KCTD16: variants seen among roughly 807,000 people sequenced by gnomAD.
KCTD16 encodes the protein BTB/POZ domain-containing protein KCTD16.
KCTD16 carries 13 observed loss-of-function variants against 33.2 expected under a neutral mutation model. The ratio of observed to expected loss-of-function variants is 0.39; its 90% CI spans 0.25 to 0.62. KCTD16 has a LOEUF of 0.62. KCTD16 is among the 20% of genes least tolerant of loss of function. KCTD16 has a pLI of 0.50. For synonymous variants in KCTD16, 197 were observed against 195.3 expected, an observed-to-expected ratio of 1.01 and a Z score of -0.07; for missense variants, 441 against 525.1, an observed-to-expected ratio of 0.84 and a Z score of 1.57.
intron 3 of KCTD16, among the ~76,000 whole-genome samples, chr5:144,251,901 T>A (rs1033262528): frequency 3.3e-5 from 5 of 152,202 alleles, no homozygotes; most frequent in African/African-American, 9.6e-5. Context: ...TAATTAATGT[T>A]TAAAATGTAA....
At chr5:144,242,707 A>G (rs1016242253) in intron 3 of KCTD16, among the ~76,000 whole-genome samples, 11 of 152,284 alleles carry the variant, frequency 7.2e-5, no homozygotes, top group Admixed American at 7.2e-4. Context: ...TCATGGCTGA[A>G]GGTAAAGGAG....
intron 3 of KCTD16, among the ~76,000 whole-genome samples, chr5:144,376,510 C>A (rs1248718994): frequency 7.2e-5 from 11 of 152,028 alleles, no homozygotes; most frequent in Non-Finnish European, 1.5e-5. Context: ...AAATTGGAGG[C>A]TACTCTGTGT....
intron 3 of KCTD16, among the ~76,000 whole-genome samples, chr5:144,443,163 A>G (rs536207090): frequency 6.6e-6 from 1 of 152,242 alleles, no homozygotes; most frequent in East Asian, 1.9e-4. Flanking sequence ...CTGGAACCTG[A>G]CACTAGGATC....
chr5:144,443,217 T>C (rs1231936637), intron 3 of KCTD16, among the ~76,000 whole-genome samples: 1 of 152,118 alleles, frequency 6.6e-6, no homozygotes, highest in Admixed American at 6.6e-5. Context: ...GGGTAGAGTT[T>C]CCATTACTTG....
At chr5:144,176,818 T>A (rs1290160604) in intron 2 of KCTD16, among the ~76,000 whole-genome samples, 2 of 152,254 alleles carry the variant, frequency 1.3e-5, no homozygotes, top group African/African-American at 4.8e-5. Flanking sequence ...CTAGGCAGTA[T>A]ACTTTTTCTA....
At chr5:144,425,861 T>C (rs1753317547) in intron 3 of KCTD16, among the ~76,000 whole-genome samples, 1 of 152,114 alleles carries the variant, frequency 6.6e-6, no homozygotes, top group Non-Finnish European at 1.5e-5. Flanking sequence ...GCCTCAGAGA[T>C]CTTTGAAATG....
intron 3 of KCTD16, among the ~76,000 whole-genome samples, chr5:144,280,685 G>C (rs1295981057): frequency 2.0e-5 from 3 of 152,226 alleles, no homozygotes; most frequent in Non-Finnish European, 4.4e-5. Context: ...AGCACTTCGG[G>C]AGGCCAAGGC....
chr5:144,342,509 T>A lies in KCTD16; in HGVS notation c.833-131151T>A, dbSNP rs147395197. Among the ~76,000 whole-genome samples, 380 of 152,324 alleles carry A rather than the reference T, an allele frequency of 2.5e-3. 1 individual carries two copies. The highest frequency in any genetic ancestry group is 8.8e-3 in the African/African-American group (365 of 41,560). ...ATGGGGTTTTCTAGATATACAATCATGTCATCATCTGCACACAGGGACAAT... is the reference window on the plus strand; with the variant it reads ...ATGGGGTTTTCTAGATATACAATCAAGTCATCATCTGCACACAGGGACAAT... On this transcript the variant is annotated intron_variant, in intron 3 of 3. Transcript: ENST00000512467.
At chr5:144,287,984 A>G (rs1037574771) in intron 3 of KCTD16, among the ~76,000 whole-genome samples, 1 of 152,180 alleles carries the variant, frequency 6.6e-6, no homozygotes, top group Non-Finnish European at 1.5e-5. Context: ...ACTGTAAAGT[A>G]CCATATGAGG....
At chr5:144,463,033 C>T (rs933570089) in intron 3 of KCTD16, among the ~76,000 whole-genome samples, 3 of 152,148 alleles carry the variant, frequency 2.0e-5, no homozygotes, top group African/African-American at 2.4e-5. Flanking sequence ...CACAATTTAT[C>T]CCCTCTTTTA....
chr5:144,442,261 G>A (rs910645944), intron 3 of KCTD16, among the ~76,000 whole-genome samples: 3 of 152,034 alleles, frequency 2.0e-5, no homozygotes, highest in Middle Eastern at 3.2e-3. Flanking sequence ...ATGTGTCTGA[G>A]TGAAGCTTTG....
intron 3 of KCTD16, among the ~76,000 whole-genome samples, chr5:144,224,188 C>T (rs1395927550): frequency 6.6e-6 from 1 of 152,028 alleles, no homozygotes; most frequent in Non-Finnish European, 1.5e-5. Flanking sequence ...TTGAGAATGT[C>T]ACCTTAATTA....
At chr5:144,200,255 G>A (rs1753017975) in intron 2 of KCTD16, among the ~76,000 whole-genome samples, 1 of 151,976 alleles carries the variant, frequency 6.6e-6, no homozygotes, top group Non-Finnish European at 1.5e-5. Context: ...GATACAGACA[G>A]CTTTTGCTTT....
At chr5:144,349,793 C>T (rs1012200366) in intron 3 of KCTD16, among the ~76,000 whole-genome samples, 1 of 152,200 alleles carries the variant, frequency 6.6e-6, no homozygotes, top group African/African-American at 2.4e-5. Context: ...CCCCATCACA[C>T]TCTATCACAT....
At position 144,301,632 on chromosome 5, in the gene KCTD16, A is replaced by G. The variant is rs138838292; in HGVS notation, c.832+94086A>G. Among the ~76,000 whole-genome samples the G allele has an allele frequency of 3.2e-3, 490 of 152,328 alleles. 4 individuals are homozygous for G. Among genetic ancestry groups the G allele is most frequent in the African/African-American group, 0.011 (471 of 41,572 alleles). On this transcript the variant is annotated intron_variant, in intron 3 of 3. Coordinates refer to ENST00000512467, the MANE Select transcript of KCTD16 (RefSeq NM_020768.4). ...TCTACTTTAAAAATTCACTTGCACAATGCCGTCTCGACATAGTGAACAGGA... is the reference window on the plus strand; with the variant it reads ...TCTACTTTAAAAATTCACTTGCACAGTGCCGTCTCGACATAGTGAACAGGA...
chr5:144,221,419 C>T (rs1753745226), intron 3 of KCTD16, among the ~76,000 whole-genome samples: 1 of 152,006 alleles, frequency 6.6e-6, no homozygotes, highest in Non-Finnish European at 1.5e-5. Context: ...ACTCCCCTTG[C>T]CCCCCACCCC....
chr5:144,249,259 A>AT (rs1260518327), intron 3 of KCTD16, among the ~76,000 whole-genome samples: 6 of 151,078 alleles, frequency 4.0e-5, no homozygotes, highest in South Asian at 2.1e-4. Context: ...TACTCTTCCC[A>AT]TTTTTTTTCT....
At chr5:144,216,700 C>T (rs1225055301) in intron 3 of KCTD16, among the ~76,000 whole-genome samples, 7 of 151,864 alleles carry the variant, frequency 4.6e-5, no homozygotes, top group East Asian at 3.9e-4. Flanking sequence ...AAAAATTAGC[C>T]GAGTATGGTG....
intron 3 of KCTD16, among the ~76,000 whole-genome samples, chr5:144,419,707 T>G (rs1220129682): frequency 6.6e-6 from 1 of 152,138 alleles, no homozygotes; most frequent in African/African-American, 2.4e-5. Flanking sequence ...CCTATCCTAT[T>G]TAATGCGGTA....
Sources: gnomAD v4.1 joint callset for allele counts (sites outside exome capture counted in the v4.1 genomes callset) on GRCh38, gnomAD v4.1.1 for gene constraint, MANE v1.5 for transcripts, NCBI Gene and HGNC (gene_info 2026-07-23, HGNC 2026-07-21) for gene names.